Variants in GAB2 observed in about 807,000 individuals in gnomAD.
The protein encoded by GAB2 is GRB2 associated binding protein 2.
Under a neutral mutation model 65.5 loss-of-function variants are expected in GAB2, and 26 were observed. The ratio of observed to expected loss-of-function variants is 0.40; its 90% CI spans 0.29 to 0.55. The LOEUF (loss-of-function observed/expected upper bound fraction) is 0.55. GAB2 is among the 20% of genes least tolerant of loss of function. The pLI is 0.53. For missense variants in GAB2, 884 were observed against 875.8 expected (o/e 1.01, Z -0.12); for synonymous variants, 321 against 329.6 (o/e 0.97, Z 0.28).
In GAB2 at chr11:78,226,549, T is replaced by C. The variant is rs546063891; in HGVS notation, c.1123A>G (p.Ile375Val). Residue 375 changes from isoleucine to valine, a missense_variant, in exon 4 of 10, where the codon ATC (isoleucine) becomes GTC (valine). Transcript: ENST00000361507. ...RWGSPQQRPP[I>V]SENSRSVAAT... ...GCGACAGATCTGCTATTTTCACTGA[T>C]TGGCGGTCTCTGCTGAGGACTGCCC... The C allele has an allele frequency of 4.5e-5, 63 of 1,412,144 alleles. No individual in the cohort carries two copies. The East Asian group carries it at 1.9e-3, about 42-fold the overall frequency. The allele number at this position is 1,412,144 out of a possible 1,614,324, so 87.5% of individuals were successfully genotyped here. A position where few individuals can be genotyped will look rare whatever the true frequency, so the allele number is the denominator to read the frequency against.
intron 1 of GAB2, among the ~76,000 whole-genome samples, chr11:78,376,392 C>G (rs975105254): frequency 6.6e-6 from 1 of 152,200 alleles, no homozygotes; most frequent in African/African-American, 2.4e-5. Flanking sequence ...TATTAACTCA[C>G]TCAATCTTCA....
chr11:78,289,814 CTTTTTTTTTT>C (rs56926225), intron 1 of GAB2, among the ~76,000 whole-genome samples: 3 of 83,662 alleles, frequency 3.6e-5, no homozygotes, highest in East Asian at 8.1e-4. Context: ...AGAACAGGAC[CTTTTTTTTTT>C]TTTTTTTTTT....
chr11:78,222,014 C>T, intron 7 of GAB2, 91 bp downstream of exon 7: 1 of 860,596 alleles, frequency 1.2e-6, no homozygotes, highest in South Asian at 1.4e-5. Context: ...CATCAGAATC[C>T]AGCTGTCCCG....
At chr11:78,350,168 T>C (rs537553936) in intron 1 of GAB2, among the ~76,000 whole-genome samples, 450 of 152,256 alleles carry the variant, frequency 3.0e-3, no homozygotes, top group Admixed American at 5.8e-3. Flanking sequence ...GTAGTCCATC[T>C]CCCCTGAAGC....
intron 3 of GAB2, chr11:78,231,705 G>A (rs1317877363): frequency 1.3e-5 from 2 of 152,038 alleles, no homozygotes; most frequent in African/African-American, 4.8e-5. Context: ...TTTTGTACTT[G>A]TTCTTCCACA....
Position 78,343,270 on chromosome 11 carries a change from A to C in GAB2, c.76-62369T>G, listed in dbSNP as rs1247148070. On this transcript the variant is annotated intron_variant, in intron 1 of 9. Transcript: ENST00000361507. The stretch of plus-strand genomic sequence containing the variant: ...TGTTGTTAAAAATAGTGATGAGATG[A>C]GTAAAATCTTCTGCTTCCCCGTTGA... 2.6e-5 allele frequency among the ~76,000 whole-genome samples: 4 copies of C among 152,194 alleles called. No homozygotes were observed. The East Asian group carries it at 7.7e-4, about 29-fold the overall frequency.
At chr11:78,270,241 C>A (rs927423941) in intron 2 of GAB2, among the ~76,000 whole-genome samples, 3 of 151,812 alleles carry the variant, frequency 2.0e-5, no homozygotes, top group African/African-American at 7.3e-5. Context: ...GCAGGAGAAT[C>A]GCCTGAACCC....
chr11:78,304,851 A>G (rs1012814129), intron 1 of GAB2, among the ~76,000 whole-genome samples: 2 of 152,122 alleles, frequency 1.3e-5, no homozygotes, highest in African/African-American at 4.8e-5. Context: ...GAAATTTTCA[A>G]CCTTCCCTCC....
At chr11:78,234,441 G>A (rs1864933220) in intron 3 of GAB2, among the ~76,000 whole-genome samples, 2 of 151,964 alleles carry the variant, frequency 1.3e-5, no homozygotes, top group South Asian at 4.1e-4. Flanking sequence ...TAATTTTTGG[G>A]TGAGTGGTGT....
intron 1 of GAB2, among the ~76,000 whole-genome samples, chr11:78,330,814 T>C (rs1855901653): frequency 6.6e-6 from 1 of 152,096 alleles, no homozygotes; most frequent in Non-Finnish European, 1.5e-5. Flanking sequence ...TTAATGGAAC[T>C]GTGGAACACC....
chr11:78,235,780 A>G (rs917476714), intron 3 of GAB2, among the ~76,000 whole-genome samples: 9 of 152,198 alleles, frequency 5.9e-5, no homozygotes, highest in Admixed American at 3.9e-4. Flanking sequence ...TTTTGGTCAC[A>G]GCCATTCCAC....
intron 2 of GAB2, among the ~76,000 whole-genome samples, chr11:78,254,813 G>GAAAAAAGA (rs1441390176): frequency 2.7e-5 from 4 of 147,754 alleles, no homozygotes; most frequent in African/African-American, 7.5e-5. Flanking sequence ...AAAGAAAAAA[G>GAAAAAAGA]AAAAAAGAAA....
At chr11:78,415,063 G>C (rs746794761) in intron 1 of GAB2, among the ~76,000 whole-genome samples, 1 of 152,194 alleles carries the variant, frequency 6.6e-6, no homozygotes, top group African/African-American at 2.4e-5. Context: ...GTAGAGACGG[G>C]GTTTCACCAC....
At chr11:78,365,238 A>T (rs747266938) in intron 1 of GAB2, among the ~76,000 whole-genome samples, 9 of 152,206 alleles carry the variant, frequency 5.9e-5, no homozygotes, top group Non-Finnish European at 1.3e-4. Flanking sequence ...AAAAGCCACC[A>T]GTAAGGCAGG....
At chr11:78,331,738 G>A (rs1310797938) in intron 1 of GAB2, among the ~76,000 whole-genome samples, 2 of 152,184 alleles carry the variant, frequency 1.3e-5, no homozygotes, top group African/African-American at 4.8e-5. Context: ...GGATTACAGA[G>A]GTCCCAGGCT....
At chr11:78,247,631 C>T (rs756562003) in intron 3 of GAB2, among the ~76,000 whole-genome samples, 3 of 152,126 alleles carry the variant, frequency 2.0e-5, no homozygotes, top group Admixed American at 6.5e-5. Context: ...AACTGAATTT[C>T]ACTTCTTTCA....
chr11:78,345,106 C>A (rs1432500897), intron 1 of GAB2, among the ~76,000 whole-genome samples: 2 of 152,222 alleles, frequency 1.3e-5, no homozygotes, highest in East Asian at 3.9e-4. Context: ...ATGGCAAAAC[C>A]CCGTCTCTAC....
intron 1 of GAB2, among the ~76,000 whole-genome samples, chr11:78,330,139 T>TG (rs143055826): frequency 0.012 from 1,792 of 152,260 alleles, 34 homozygotes; most frequent in African/African-American, 0.041. Context: ...ACCACAGCTA[T>TG]GGGGTGTGGG....
intron 3 of GAB2, among the ~76,000 whole-genome samples, chr11:78,231,136 G>C (rs775395184): frequency 1.3e-5 from 2 of 152,202 alleles, no homozygotes; most frequent in Non-Finnish European, 2.9e-5. Context: ...GTAAATGGCA[G>C]AGTTGGAGCA....
Sources: allele counts gnomAD v4.1 joint callset (sites outside exome capture counted in the v4.1 genomes callset), GRCh38; gene constraint gnomAD v4.1.1; transcripts MANE v1.5; gene names NCBI Gene and HGNC (gene_info 2026-07-23, HGNC 2026-07-21).